The following EXOC6 variants were observed in gnomAD, a reference collection of about 807,000 sequenced individuals.
EXOC6 encodes exocyst complex component 6.
Under a neutral mutation model 112.5 loss-of-function variants are expected in EXOC6, and 60 were observed. The ratio of observed to expected loss-of-function variants is 0.53; its 90% CI spans 0.43 to 0.66. EXOC6 has a LOEUF of 0.66. Ranked by LOEUF, EXOC6 falls within the 30% of genes least tolerant of loss-of-function variation. The pLI is 0.00. For synonymous variants in EXOC6, 295 were observed against 308.0 expected (o/e 0.96, Z 0.44); for missense variants, 855 against 957.1 (o/e 0.89, Z 1.41).
chr10:92,915,270 G>A (rs952556949), intron 6 of EXOC6, among the ~76,000 whole-genome samples: 3 of 152,054 alleles, frequency 2.0e-5, no homozygotes, highest in Non-Finnish European at 2.9e-5. Flanking sequence ...AGCTGGGTGC[G>A]GTGGGTCACA....
rs1848270807 is a variant in EXOC6 at position 92,868,186 on chromosome 10, T to C, written c.101+19552T>C. ...TAGGGGAGTCCACCCATGTTTTCTT[T>C]TGGTACTTGTATGGTGTTTTTTAAT... On this transcript the variant is annotated intron_variant, in intron 1 of 21. Coordinates refer to ENST00000260762, the MANE Select transcript of EXOC6 (RefSeq NM_019053.6). Among the ~76,000 whole-genome samples the C allele has an allele frequency of 1.3e-5, 2 of 152,110 alleles. 1 individual carries two copies. The highest frequency in any genetic ancestry group is 4.2e-4 in the South Asian group (2 of 4,790).
intron 18 of EXOC6, among the ~76,000 whole-genome samples, chr10:92,976,805 ACAT>A (rs1256040010): frequency 6.6e-6 from 1 of 152,170 alleles, no homozygotes; most frequent in Admixed American, 6.5e-5. Flanking sequence ...TAGTCATAGC[ACAT>A]CTACATTTTG....
chr10:92,891,637 A>G lies in EXOC6; in HGVS notation c.102-1712A>G, dbSNP rs556587839. Among the ~76,000 whole-genome samples, 77 of 152,166 alleles carry G rather than the reference A, an allele frequency of 5.1e-4. No homozygotes were observed. The South Asian group carries it at 7.9e-3, about 16-fold the overall frequency. On this transcript the variant is annotated intron_variant, in intron 1 of 21. Transcript: ENST00000260762. ...GCTGAGATTACAGGCACCTGCCACG[A>G]CACCCAGCTAATTTTTGTATTTTTA... is the stretch of plus-strand genomic sequence containing the variant.
chr10:92,979,352 T>C (rs1842745657), intron 18 of EXOC6, among the ~76,000 whole-genome samples: 1 of 152,202 alleles, frequency 6.6e-6, no homozygotes, highest in African/African-American at 2.4e-5. Context: ...AGTCAAAGAT[T>C]GTCATGATGT....
upstream of EXOC6, chr10:92,831,424 T>G (rs1846475581): frequency 2.3e-6 from 2 of 887,886 alleles, no homozygotes; most frequent in Admixed American, 6.0e-5. Context: ...CTATACTATA[T>G]TCTATTTTTT....
chr10:92,967,805 A>C (rs1842129208), intron 17 of EXOC6, among the ~76,000 whole-genome samples: 1 of 152,186 alleles, frequency 6.6e-6, no homozygotes, highest in Non-Finnish European at 1.5e-5. Context: ...AGTATTTATG[A>C]GATGATTGTA....
intron 6 of EXOC6, among the ~76,000 whole-genome samples, chr10:92,914,004 C>A (rs552943310): frequency 1.3e-5 from 2 of 152,228 alleles, no homozygotes; most frequent in East Asian, 3.9e-4. Flanking sequence ...TGTTCTCTGG[C>A]ACACATTTTA....
At chr10:92,859,463 GATT>G (rs770773777) in intron 1 of EXOC6, among the ~76,000 whole-genome samples, 10 of 152,314 alleles carry the variant, frequency 6.6e-5, no homozygotes, top group Admixed American at 6.5e-4. Flanking sequence ...ATTGCTGGGT[GATT>G]ATTATTTTCA....
At chr10:92,935,936 C>A (rs748279169) in intron 12 of EXOC6, 51 bp downstream of exon 12, 1 of 1,164,924 alleles carries the variant, frequency 8.6e-7, no homozygotes, top group Middle Eastern at 2.0e-4. Context: ...TAAAAACATA[C>A]AAAATATAGG....
chr10:92,892,206 A>G (rs912655889), intron 1 of EXOC6, among the ~76,000 whole-genome samples: 4 of 150,638 alleles, frequency 2.7e-5, no homozygotes, highest in Non-Finnish European at 4.4e-5. Flanking sequence ...TGTTTGTTAC[A>G]GCAAAAACAA....
At chr10:92,884,175 A>G (rs1026779369) in intron 1 of EXOC6, among the ~76,000 whole-genome samples, 1 of 152,200 alleles carries the variant, frequency 6.6e-6, no homozygotes, top group Non-Finnish European at 1.5e-5. Flanking sequence ...CTGGGATTAC[A>G]GGCTTGAGCC....
chr10:92,834,345 A>AT (rs1846593135), upstream of EXOC6, among the ~76,000 whole-genome samples: 1 of 152,200 alleles, frequency 6.6e-6, no homozygotes, highest in African/African-American at 2.4e-5. Flanking sequence ...TTTAGCATAA[A>AT]TAATATTAAT....
At position 92,952,316 on chromosome 10, in the gene EXOC6, A is replaced by G. The variant is rs1428845695; in HGVS notation, c.1460A>G (p.His487Arg). 1 of 1,612,934 alleles carries G rather than the reference A, an allele frequency of 6.2e-7. No individual in the cohort carries two copies. The highest frequency in any genetic ancestry group is 2.2e-5 in the East Asian group (1 of 44,818). The stretch of plus-strand genomic sequence containing the variant: ...TTCCCCATGTCTCAGTCAGTGCCTC[A>G]TATTTACATTCAAGTTAAAGAATTT... ...KKFPMSQSVPHIYIQVKEFIY... is the reference protein window; with the variant it reads ...KKFPMSQSVPRIYIQVKEFIY... The change falls in exon 15 of 22, where the codon CAT (histidine) becomes CGT (arginine). Residue 487 changes from histidine to arginine, a missense_variant. This residue lies in a region of EXOC6 where 450 missense variants were observed against 563.5 expected (regional missense o/e 0.80). Transcript: ENST00000260762.
chr10:92,851,683 AC>A (rs1194441266), intron 1 of EXOC6, among the ~76,000 whole-genome samples: 1 of 151,832 alleles, frequency 6.6e-6, no homozygotes, highest in African/African-American at 2.4e-5. Flanking sequence ...CAAAAAAAAA[AC>A]AAAACCAACC....
intron 17 of EXOC6, among the ~76,000 whole-genome samples, chr10:92,960,028 G>A (rs1355653128): frequency 6.6e-6 from 1 of 152,150 alleles, no homozygotes; most frequent in African/African-American, 2.4e-5. Context: ...CCAAGGAGTT[G>A]AAAACTTAGG....
chr10:92,965,545 C>G (rs1209277862), intron 17 of EXOC6, among the ~76,000 whole-genome samples: 2 of 152,060 alleles, frequency 1.3e-5, no homozygotes, highest in Non-Finnish European at 2.9e-5. Flanking sequence ...CTGGTAAGGT[C>G]ATAAGATTGA....
chr10:92,899,235 A>G (rs1051798207), intron 4 of EXOC6, among the ~76,000 whole-genome samples: 4 of 152,166 alleles, frequency 2.6e-5, no homozygotes, highest in Admixed American at 6.5e-5. Context: ...TCAAATAACT[A>G]AAGTCTAAAG....
chr10:92,957,294 A>T (rs1853746473), intron 17 of EXOC6, among the ~76,000 whole-genome samples: 1 of 152,136 alleles, frequency 6.6e-6, no homozygotes, highest in African/African-American at 2.4e-5. Context: ...ATGCTTACCC[A>T]GTACCCTCTG....
chr10:92,925,693 G>C (rs1281576840), intron 8 of EXOC6, among the ~76,000 whole-genome samples: 1 of 151,012 alleles, frequency 6.6e-6, no homozygotes, highest in African/African-American at 2.4e-5. Flanking sequence ...ATGGGGTCTT[G>C]CTGTTGTCCA....
Sources: gnomAD v4.1 joint callset for allele counts (sites outside exome capture counted in the v4.1 genomes callset) on GRCh38, gnomAD v4.1.1 for gene constraint, gnomAD v4.1.1 regional missense constraint, MANE v1.5 for transcripts, NCBI Gene and HGNC (gene_info 2026-07-23, HGNC 2026-07-21) for gene names.